TCF12: variants seen among roughly 807,000 people sequenced by gnomAD.
TCF12 encodes transcription factor 12, also known as DNA-binding protein HTF4.
Under a neutral mutation model 86.0 loss-of-function variants are expected in TCF12, and 45 were observed. The observed-to-expected ratio is 0.52, with a 90% CI of 0.41 to 0.67. TCF12 has a LOEUF of 0.67. Ranked by LOEUF, TCF12 falls within the 30% of genes least tolerant of loss-of-function variation. The pLI is 0.00. For synonymous variants in TCF12, 330 were observed against 299.6 expected (o/e 1.10, Z -1.05); for missense variants, 881 against 859.9 (o/e 1.02, Z -0.31).
At chr15:57,225,467 G>A (rs967301969) in intron 8 of TCF12, among the ~76,000 whole-genome samples, 2 of 151,578 alleles carry the variant, frequency 1.3e-5, no homozygotes, top group South Asian at 2.1e-4. Context: ...GGATGGTCTC[G>A]ACCTCCTGAC....
intron 5 of TCF12, among the ~76,000 whole-genome samples, chr15:57,114,879 T>C (rs539497101): frequency 3.3e-5 from 5 of 152,222 alleles, no homozygotes; most frequent in Admixed American, 6.5e-5. Context: ...CGTGAATGAA[T>C]GAAAGCTATT....
At chr15:56,960,099 A>G (rs2061677502) in intron 3 of TCF12, among the ~76,000 whole-genome samples, 1 of 152,218 alleles carries the variant, frequency 6.6e-6, no homozygotes, top group African/African-American at 2.4e-5. Context: ...AGATTTGAAA[A>G]TGCATTCGTC....
chr15:57,135,324 G>C (rs1806964910), intron 5 of TCF12, among the ~76,000 whole-genome samples: 1 of 152,030 alleles, frequency 6.6e-6, no homozygotes, highest in Non-Finnish European at 1.5e-5. Context: ...GTAAACGAAG[G>C]GAAAATTGTT....
chr15:57,038,464 G>T (rs2066660066), intron 3 of TCF12, among the ~76,000 whole-genome samples: 1 of 140,926 alleles, frequency 7.1e-6, no homozygotes. Flanking sequence ...AAGGAAGAGA[G>T]GGAGGGAGGG....
At chr15:57,046,689 C>T (rs902900706) in intron 3 of TCF12, among the ~76,000 whole-genome samples, 1 of 152,158 alleles carries the variant, frequency 6.6e-6, no homozygotes, top group East Asian at 1.9e-4. Context: ...CTCCTGACCT[C>T]AAGTGATCCA....
chr15:56,919,175 G>A (rs1056039031), intron 1 of TCF12: 10 of 151,830 alleles, frequency 6.6e-5, no homozygotes, highest in African/African-American at 1.7e-4. Context: ...AGGCTCCGGG[G>A]CGCGCGGGAG....
chr15:56,931,072 C>T (rs1237667701), intron 3 of TCF12, among the ~76,000 whole-genome samples: 1 of 152,024 alleles, frequency 6.6e-6, no homozygotes, highest in Non-Finnish European at 1.5e-5. Flanking sequence ...CTCCCTCGTT[C>T]CTTCACCCCC....
At chr15:57,221,811 A>G (rs2058611644) in intron 8 of TCF12, among the ~76,000 whole-genome samples, 1 of 152,108 alleles carries the variant, frequency 6.6e-6, no homozygotes, top group Admixed American at 6.5e-5. Context: ...TGGCAACATT[A>G]TTATTTTGTG....
chr15:57,002,980 T>C (rs1357518605), intron 3 of TCF12, among the ~76,000 whole-genome samples: 3 of 152,228 alleles, frequency 2.0e-5, no homozygotes, highest in African/African-American at 7.2e-5. Flanking sequence ...CTGTACATCT[T>C]TCATAGTATG....
At chr15:57,181,189 C>A (rs1229878640) in intron 6 of TCF12, among the ~76,000 whole-genome samples, 1 of 151,946 alleles carries the variant, frequency 6.6e-6, no homozygotes, top group East Asian at 1.9e-4. Flanking sequence ...GGCGTTTAAG[C>A]CAAGCCACTT....
chr15:56,928,558 G>A (rs2060114286), intron 3 of TCF12, among the ~76,000 whole-genome samples: 1 of 152,168 alleles, frequency 6.6e-6, no homozygotes, highest in African/African-American at 2.4e-5. Flanking sequence ...TGTATATGAA[G>A]TCTGAGAAGT....
intron 3 of TCF12, among the ~76,000 whole-genome samples, chr15:57,037,871 T>G (rs1344672373): frequency 6.6e-6 from 1 of 152,202 alleles, no homozygotes; most frequent in Non-Finnish European, 1.5e-5. Flanking sequence ...TTGCTAGTGC[T>G]AAAACACATA....
intron 5 of TCF12, chr15:57,109,437 A>G (rs1248829220): frequency 6.6e-6 from 1 of 152,238 alleles, no homozygotes; most frequent in African/African-American, 2.4e-5. Context: ...TTAATATTGT[A>G]AATAGGATAT....
chr15:57,042,251 T>C (rs2066945037), intron 3 of TCF12, among the ~76,000 whole-genome samples: 1 of 152,140 alleles, frequency 6.6e-6, no homozygotes, highest in Non-Finnish European at 1.5e-5. Context: ...AGTGTGGGTC[T>C]GGCTCATTTG....
intron 18 of TCF12, among the ~76,000 whole-genome samples, chr15:57,265,012 G>C (rs1343819932): frequency 6.7e-6 from 1 of 150,218 alleles, no homozygotes; most frequent in Non-Finnish European, 1.5e-5. Context: ...TTACAAGCGT[G>C]AGCCACCACA....
chr15:57,079,162 T>C (rs2070399956), intron 4 of TCF12, among the ~76,000 whole-genome samples: 1 of 152,254 alleles, frequency 6.6e-6, no homozygotes, highest in Non-Finnish European at 1.5e-5. Flanking sequence ...TACTTTTAAT[T>C]ACATGTATTA....
chr15:57,278,944 T>TCC (rs57241793), intron 19 of TCF12, among the ~76,000 whole-genome samples: 6 of 10,346 alleles, frequency 5.8e-4, no homozygotes, highest in African/African-American at 1.7e-3. Flanking sequence ...CTTCCTTCCT[T>TCC]TTTTTTTTTT....
At chr15:57,051,637 C>G (rs1338877109) in intron 3 of TCF12, among the ~76,000 whole-genome samples, 3 of 152,168 alleles carry the variant, frequency 2.0e-5, no homozygotes, top group African/African-American at 7.2e-5. Flanking sequence ...TTTCTGACTT[C>G]TTAAGCAGAG....
intron 18 of TCF12, among the ~76,000 whole-genome samples, chr15:57,272,088 C>CT (rs1383283698): frequency 2.0e-5 from 3 of 152,088 alleles, no homozygotes; most frequent in African/African-American, 7.2e-5. Context: ...TCATGACTGG[C>CT]TTTTTTTACT....
Sources: allele counts gnomAD v4.1 joint callset (sites outside exome capture counted in the v4.1 genomes callset), GRCh38; gene constraint gnomAD v4.1.1; transcripts MANE v1.5; gene names NCBI Gene and HGNC (gene_info 2026-07-23, HGNC 2026-07-21).